PLA2G4C: variants seen among roughly 807,000 people sequenced by gnomAD.
The protein encoded by PLA2G4C is phospholipase A2 group IVC, also known as cytosolic phospholipase A2 gamma.
A neutral mutation model predicts 73.8 loss-of-function variants in PLA2G4C; 64 were observed. The observed-to-expected ratio is 0.87, with a 90% CI of 0.71 to 1.07. PLA2G4C has a LOEUF of 1.07. Ranked by LOEUF, PLA2G4C falls within the 50% of genes least tolerant of loss-of-function variation. PLA2G4C has a pLI of 0.00. For missense variants in PLA2G4C, 622 were observed against 665.4 expected, an observed-to-expected ratio of 0.93 and a Z score of 0.72; for synonymous variants, 254 against 252.1, an observed-to-expected ratio of 1.01 and a Z score of -0.07.
intron 12 of PLA2G4C, among the ~76,000 whole-genome samples, chr19:48,069,385 T>G (rs62129314): frequency 0.26 from 39,422 of 152,012 alleles, 5,403 homozygotes; most frequent in East Asian, 0.5. Context: ...CAGCACACTT[T>G]CCCGTGCTCC....
intron 7 of PLA2G4C, among the ~76,000 whole-genome samples, chr19:48,093,414 C>G (rs889632454): frequency 1.3e-5 from 2 of 152,164 alleles, no homozygotes; most frequent in Non-Finnish European, 2.9e-5. Context: ...ATTAGCTTCT[C>G]AACTGCTCCC....
At chr19:48,083,392 C>CTT in intron 10 of PLA2G4C, among the ~76,000 whole-genome samples, 19 of 105,824 alleles carry the variant, frequency 1.8e-4, no homozygotes, top group Admixed American at 2.9e-4. Context: ...ATTTTCTTTT[C>CTT]TTTTTTTTTT....
rs564168966 is a variant in PLA2G4C at position 48,105,553 on chromosome 19, G to T, written c.9-109C>A. ...TCCAAGCAGGTAGCCACCAGCCCAC[G>T]GGTACATGGTTTCCTTTTGGGGTGA... On this transcript the variant is annotated intron_variant, in intron 2 of 16. Transcript: ENST00000599921. The T allele has an allele frequency of 5.8e-5, 43 of 745,730 alleles. No homozygotes were observed. The African/African-American group carries it at 7.4e-4, about 13-fold the overall frequency. 46.2% of individuals were successfully genotyped at this position (745,730 alleles called of 1,614,324 possible). A position where few individuals can be genotyped will look rare whatever the true frequency, so the allele number is the denominator to read the frequency against.
At chr19:48,078,622 G>A (rs2030327414) in intron 10 of PLA2G4C, among the ~76,000 whole-genome samples, 1 of 152,048 alleles carries the variant, frequency 6.6e-6, no homozygotes, top group African/African-American at 2.4e-5. Flanking sequence ...TACAACAGCT[G>A]CAAAAAAATA....
intron 14 of PLA2G4C, among the ~76,000 whole-genome samples, chr19:48,059,687 T>C (rs1968092859): frequency 6.6e-6 from 1 of 152,072 alleles, no homozygotes; most frequent in Non-Finnish European, 1.5e-5. Context: ...TTTGGACCCT[T>C]AGACTTACAC....
At chr19:48,066,958 GACACACAC>G (rs200703260) in intron 13 of PLA2G4C, among the ~76,000 whole-genome samples, 2,092 of 143,938 alleles carry the variant, frequency 0.015, 53 homozygotes, top group African/African-American at 0.051. Flanking sequence ...AACAGAGCAA[GACACACAC>G]ACACACACAC....
intron 7 of PLA2G4C, among the ~76,000 whole-genome samples, chr19:48,091,732 A>C (rs2031308960): frequency 6.6e-6 from 1 of 151,944 alleles, no homozygotes; most frequent in Admixed American, 6.6e-5. Flanking sequence ...CTACTAAAAA[A>C]TACAAAAATT....
chr19:48,067,689 G>C (rs892267337), intron 13 of PLA2G4C, 102 bp downstream of exon 13: 7 of 812,398 alleles, frequency 8.6e-6, no homozygotes, highest in Admixed American at 3.7e-5. Flanking sequence ...AAAGCTCTGG[G>C]GAAGGACCAG....
intron 6 of PLA2G4C, among the ~76,000 whole-genome samples, chr19:48,096,341 G>A (rs2031567495): frequency 6.6e-6 from 1 of 152,154 alleles, no homozygotes. Context: ...CCAGCACTTT[G>A]GGAGGCGGAG....
intron 10 of PLA2G4C, among the ~76,000 whole-genome samples, chr19:48,083,017 T>C (rs1434087073): frequency 6.6e-6 from 1 of 151,176 alleles, no homozygotes; most frequent in East Asian, 2.0e-4. Context: ...AGTTTCACCA[T>C]GTTAGCCAGG....
Position 48,074,836 on chromosome 19 carries a change from T to A in PLA2G4C, c.937A>T (p.Met313Leu). Residue 313 changes from methionine (M) to leucine (L), a missense_variant, in exon 12 of 17, where the codon ATG becomes TTG. Transcript: ENST00000599921. ...GAGGTCCTGGTCCAATTCTCGAGCA[T>A]CTCAGTCAGCCAGGTGTGTTCAGGC... ...GEPEHTWLTE[M>L]LENWTRTSLE... is the part of the protein sequence containing the mutation. 2 of 1,612,746 alleles carry A rather than the reference T, an allele frequency of 1.2e-6. No individual in the cohort carries two copies. The highest frequency in any genetic ancestry group is 1.7e-4 in the Middle Eastern group (1 of 6,058).
intron 3 of PLA2G4C, 106 bp from the exon 4 acceptor site, chr19:48,104,830 C>A: frequency 9.0e-6 from 10 of 1,110,826 alleles, no homozygotes; most frequent in Non-Finnish European, 1.3e-5. Flanking sequence ...CGCCTGTAAT[C>A]CCAGCACATT....
chr19:48,054,761 G>A (rs566276837), intron 15 of PLA2G4C, 117 bp downstream of exon 15: 32 of 990,876 alleles, frequency 3.2e-5, no homozygotes, highest in South Asian at 2.6e-4. Context: ...ATGCTGAACT[G>A]TGAGTCAATT....
At position 48,110,774 on chromosome 19, in the gene PLA2G4C, C is replaced by T. The variant is rs2032470219; in HGVS notation, c.-320G>A. The T allele has an allele frequency of 2.5e-6, 1 of 401,106 alleles. No individual in the cohort carries two copies. Among genetic ancestry groups the T allele is most frequent in the African/African-American group, 2.1e-5 (1 of 48,096 alleles). The allele number at this position is 401,106 out of a possible 1,614,324, so 24.8% of individuals were successfully genotyped here. On this transcript the variant is annotated 5_prime_UTR_variant, in exon 1 of 17. Transcript: ENST00000599921. Reference sequence around the variant, plus strand: ...GGCCCCTGCGCCTTTAAACAGCCCTCCTCGGCTTGTAGGCCCTGCTTGGTT... The same window carrying T: ...GGCCCCTGCGCCTTTAAACAGCCCTTCTCGGCTTGTAGGCCCTGCTTGGTT...
intron 13 of PLA2G4C, among the ~76,000 whole-genome samples, chr19:48,066,770 G>T (rs1600178068): frequency 6.6e-6 from 1 of 151,940 alleles, no homozygotes; most frequent in East Asian, 1.9e-4. Context: ...TTCAAGATCA[G>T]TCTGGGCAAC....
chr19:48,104,537 AT>A (rs1435665601), intron 4 of PLA2G4C, 50 bp downstream of exon 4: 1 of 1,589,194 alleles, frequency 6.3e-7, no homozygotes, highest in African/African-American at 1.3e-5. Context: ...GAGGAAAAAA[AT>A]AATCCCATTT....
chr19:48,106,582 C>G (rs368509824), intron 1 of PLA2G4C, 21 bp from the exon 2 acceptor site: 12 of 1,608,646 alleles, frequency 7.5e-6, no homozygotes, highest in Admixed American at 6.7e-5. Context: ...AATGGCTCTT[C>G]TTAGTCCTGT....
At chr19:48,093,858 C>T (rs1190915899) in intron 7 of PLA2G4C, among the ~76,000 whole-genome samples, 1 of 152,168 alleles carries the variant, frequency 6.6e-6, no homozygotes. Context: ...TGAGTTCTCA[C>T]GAGATCTGAT....
At chr19:48,108,678 C>T (rs1469139731) in intron 1 of PLA2G4C, 1 of 152,260 alleles carries the variant, frequency 6.6e-6, no homozygotes, top group African/African-American at 2.4e-5. Flanking sequence ...GCTGTAATCC[C>T]AGCACCTTAA....
Sources: allele counts gnomAD v4.1 joint callset (sites outside exome capture counted in the v4.1 genomes callset), GRCh38; gene constraint gnomAD v4.1.1; transcripts MANE v1.5; gene names NCBI Gene and HGNC (gene_info 2026-07-23, HGNC 2026-07-21).